ZNF831: variants seen among roughly 807,000 people sequenced by gnomAD.
ZNF831 encodes chromosome 20 open reading frame 174.
ZNF831 carries 59 observed loss-of-function variants against 95.8 expected under a neutral mutation model. That is an observed-to-expected ratio of 0.62 (90% CI 0.50 to 0.77). ZNF831 has a LOEUF of 0.77. Among genes scored for constraint, ZNF831 ranks in the 30% least tolerant of loss-of-function variants. The probability of loss-of-function intolerance (pLI) is 0.00; values close to 1 mark genes in which losing one functional copy is unlikely to be tolerated. For missense variants in ZNF831, 2,205 were observed against 2,164.0 expected (o/e 1.02, Z -0.38); for synonymous variants, 961 against 925.5 (o/e 1.04, Z -0.70).
upstream of ZNF831, among the ~76,000 whole-genome samples, chr20:59,159,454 A>G (rs1980723030): frequency 6.6e-6 from 1 of 152,196 alleles, no homozygotes; most frequent in East Asian, 1.9e-4. Context: ...GCCTTAAATA[A>G]AAACATCGCT....
intron 1 of ZNF831, among the ~76,000 whole-genome samples, chr20:59,164,751 A>G (rs1472701613): frequency 2.6e-5 from 4 of 152,214 alleles, no homozygotes; most frequent in African/African-American, 9.7e-5. Context: ...CCATGTATTT[A>G]TACACATATC....
At position 59,193,034 on chromosome 20, in the gene ZNF831, C is replaced by T. The variant is rs1983741329; in HGVS notation, c.2015C>T (p.Pro672Leu). The change falls in exon 2 of 6, where the codon CCC becomes CTC. Residue 672 changes from proline (P) to leucine (L), a missense_variant. Physicochemically the swap from Pro to Leu is moderately conservative, Grantham distance 98 (BLOSUM62 -3). Coordinates refer to ENST00000371030, the MANE Select transcript of ZNF831 (RefSeq NM_178457.3). Reference protein sequence around the residue: ...KEAAGSSGTVPTQDRRTPVHE... With the variant: ...KEAAGSSGTVLTQDRRTPVHE... ...GCAGCAGGGAGCTCAGGCACAGTCC[C>T]CACCCAAGACAGGAGGACCCCTGTC... The T allele has an allele frequency of 5.1e-6, 8 of 1,574,076 alleles. No individual in the cohort carries two copies. Among genetic ancestry groups the T allele is most frequent in the African/African-American group, 1.4e-5 (1 of 73,940 alleles).
chr20:59,233,633 C>T (rs141527853), intron 4 of ZNF831, among the ~76,000 whole-genome samples: 54 of 152,340 alleles, frequency 3.5e-4, no homozygotes, highest in African/African-American at 1.2e-3. Context: ...ACCTCTTCTC[C>T]ATCCAAAATA....
At position 59,230,423 on chromosome 20, in the gene ZNF831, T is replaced by C. The variant is rs2903075; in HGVS notation, c.4028-22555T>C. Among the ~76,000 whole-genome samples the C allele has an allele frequency of 4.5e-3, 678 of 152,110 alleles. 4 individuals carry two copies. The highest frequency in any genetic ancestry group is 0.014 in the Middle Eastern group (4 of 294). ...GGAGATGGAGGTTGCAGTGAGCTGA[T>C]ATCAAGCCAGTACACTCCAGCCTGG... is the stretch of plus-strand genomic sequence containing the variant. On this transcript the variant is annotated intron_variant, in intron 4 of 5. Transcript: ENST00000371030.
At chr20:59,171,194 G>A (rs1981705583) in intron 1 of ZNF831, among the ~76,000 whole-genome samples, 1 of 152,172 alleles carries the variant, frequency 6.6e-6, no homozygotes, top group Non-Finnish European at 1.5e-5. Context: ...CCACACCACT[G>A]GCCCTCTCGT....
At chr20:59,203,982 T>G (rs541628497) in intron 3 of ZNF831, among the ~76,000 whole-genome samples, 3 of 152,184 alleles carry the variant, frequency 2.0e-5, no homozygotes, top group African/African-American at 4.8e-5. Flanking sequence ...TTTATAACTG[T>G]GTACTGTGCT....
intron 4 of ZNF831, among the ~76,000 whole-genome samples, chr20:59,250,381 C>A (rs537082385): frequency 6.6e-6 from 1 of 152,192 alleles, no homozygotes; most frequent in Non-Finnish European, 1.5e-5. Context: ...GACCAGTACA[C>A]GTGGAGACCT....
intron 4 of ZNF831, among the ~76,000 whole-genome samples, chr20:59,210,377 C>T (rs529412938): frequency 2.8e-4 from 43 of 152,208 alleles, no homozygotes; most frequent in South Asian, 1.2e-3. Context: ...GATGGGGCTC[C>T]GCGGAGCCGC....
chr20:59,154,257 T>C (rs992523889), intron 2 of ZNF831, among the ~76,000 whole-genome samples: 3 of 152,176 alleles, frequency 2.0e-5, no homozygotes, highest in East Asian at 1.9e-4. Flanking sequence ...AAGACATACA[T>C]GCAGAGACTA....
chr20:59,196,681 C>T (rs1475795976), intron 3 of ZNF831, among the ~76,000 whole-genome samples: 3 of 152,230 alleles, frequency 2.0e-5, no homozygotes, highest in Middle Eastern at 3.2e-3. Context: ...CCACCCTCAT[C>T]CCATTCTCTA....
chr20:59,218,187 TCC>T (rs111762430), intron 4 of ZNF831, among the ~76,000 whole-genome samples: 25 of 152,318 alleles, frequency 1.6e-4, no homozygotes, highest in African/African-American at 6.0e-4. Flanking sequence ...TCTCAGCCCT[TCC>T]TGGGTTAGGG....
chr20:59,208,759 G>C lies in ZNF831; in HGVS notation c.4027+1703G>C, dbSNP rs1015407272. Among the ~76,000 whole-genome samples the C allele has an allele frequency of 1.3e-5, 2 of 152,164 alleles. No individual in the cohort carries two copies. Among genetic ancestry groups the C allele is most frequent in the South Asian group, 4.1e-4 (2 of 4,826 alleles). Reference sequence around the variant, plus strand: ...TTCTTGAATTTTCCTTTATGGGGTAGAGCTTGGATGGAACCCCTGCTGAGA... The same window carrying C: ...TTCTTGAATTTTCCTTTATGGGGTACAGCTTGGATGGAACCCCTGCTGAGA... On this transcript the variant is annotated intron_variant, in intron 4 of 5. Transcript: ENST00000371030. The surrounding 1 kb of genome is among the most constrained non-coding windows in gnomAD (Gnocchi z 4.2).
At chr20:59,253,869 C>CTTTTTTT in intron 5 of ZNF831, 29 bp from the exon 6 acceptor site, 2 of 1,067,570 alleles carry the variant, frequency 1.9e-6, no homozygotes, top group South Asian at 2.0e-5. Flanking sequence ...TCCCCCCCCA[C>CTTTTTTT]TTTTTTTTTC....
intron 1 of ZNF831, among the ~76,000 whole-genome samples, chr20:59,166,087 G>A (rs1458578823): frequency 6.6e-6 from 1 of 152,130 alleles, no homozygotes; most frequent in African/African-American, 2.4e-5. Flanking sequence ...TGTATTCATA[G>A]CAATGTTGGA....
chr20:59,224,436 G>A (rs1001873202), intron 4 of ZNF831, among the ~76,000 whole-genome samples: 1 of 152,162 alleles, frequency 6.6e-6, no homozygotes, highest in African/African-American at 2.4e-5. Context: ...GCCTTCTTTT[G>A]TTCCCTCCTG....
chr20:59,143,038 C>T (rs1238445569), intron 1 of ZNF831, among the ~76,000 whole-genome samples: 58 of 152,070 alleles, frequency 3.8e-4, no homozygotes, highest in Non-Finnish European at 4.4e-4. Flanking sequence ...TAGCTGGCAC[C>T]ACAGATGTGC....
intron 1 of ZNF831, among the ~76,000 whole-genome samples, chr20:59,172,259 A>G (rs1354102800): frequency 6.6e-6 from 1 of 152,188 alleles, no homozygotes; most frequent in African/African-American, 2.4e-5. Flanking sequence ...TGCGAGCCAA[A>G]GAATTCGGAT....
chr20:59,151,657 G>A (rs146326620), intron 2 of ZNF831, among the ~76,000 whole-genome samples: 69 of 152,346 alleles, frequency 4.5e-4, no homozygotes, highest in African/African-American at 1.5e-3. Flanking sequence ...GCTCCTGGGC[G>A]TGGACTTTCT....
At chr20:59,173,051 C>T (rs1466518556) in intron 1 of ZNF831, among the ~76,000 whole-genome samples, 2 of 152,092 alleles carry the variant, frequency 1.3e-5, no homozygotes, top group Admixed American at 6.5e-5. Flanking sequence ...AAGGCATCTA[C>T]CCTAAGTGAA....
Sources: allele counts gnomAD v4.1 joint callset (sites outside exome capture counted in the v4.1 genomes callset), GRCh38; gene constraint gnomAD v4.1.1; non-coding constraint Gnocchi (gnomAD v3.1); transcripts MANE v1.5; gene names NCBI Gene and HGNC (gene_info 2026-07-23, HGNC 2026-07-21).